COL11A1: variants seen among roughly 807,000 people sequenced by gnomAD.
The protein encoded by COL11A1 is collagen alpha-1(XI) chain.
A neutral mutation model predicts 265.2 loss-of-function variants in COL11A1; 74 were observed. The ratio of observed to expected loss-of-function variants is 0.28; its 90% CI spans 0.23 to 0.34. The LOEUF (loss-of-function observed/expected upper bound fraction) is 0.34, where lower values mean the gene tolerates loss of function less well. Among genes scored for constraint, COL11A1 ranks in the 10% least tolerant of loss-of-function variants. COL11A1 has a pLI of 1.00. For missense variants in COL11A1, 2,165 were observed against 2,263.6 expected (o/e 0.96, Z 0.88); for synonymous variants, 816 against 727.6 (o/e 1.12, Z -1.96).
At chr1:103,094,857 G>A (rs1673618494) in intron 1 of COL11A1, among the ~76,000 whole-genome samples, 1 of 152,002 alleles carries the variant, frequency 6.6e-6, no homozygotes, top group African/African-American at 2.4e-5. Context: ...GTTATACATG[G>A]ATTTTCAATG....
At chr1:102,885,147 T>C (rs1236215714) in intron 63 of COL11A1, among the ~76,000 whole-genome samples, 2 of 152,324 alleles carry the variant, frequency 1.3e-5, no homozygotes, top group African/African-American at 2.4e-5. Context: ...CCCTGCCTTA[T>C]CGAACCTAAG....
chr1:103,021,667 AT>A, intron 9 of COL11A1, 39 bp downstream of exon 9: 1 of 1,395,580 alleles, frequency 7.2e-7, no homozygotes, highest in Non-Finnish European at 1.0e-6. Flanking sequence ...CTCATAAGCA[AT>A]TTTACCAACC....
intron 3 of COL11A1, among the ~76,000 whole-genome samples, chr1:103,077,855 G>A (rs372409918): frequency 5.9e-5 from 9 of 152,006 alleles, no homozygotes; most frequent in African/African-American, 1.4e-4. Context: ...CCAACTATAC[G>A]AACTTAGGCA....
Position 102,914,355 on chromosome 1 carries a change from AG to A in COL11A1, c.3974del (p.Pro1325LeufsTer133). 1 of 1,605,978 alleles carries A rather than the reference AG, an allele frequency of 6.2e-7. No homozygotes were observed. Among genetic ancestry groups the A allele is most frequent in the Non-Finnish European group, 8.5e-7 (1 of 1,173,950 alleles). On this transcript the variant is annotated frameshift_variant, in exon 52 of 67. Coordinates refer to ENST00000370096, the MANE Select transcript of COL11A1 (RefSeq NM_001854.4). LOFTEE classifies it high-confidence loss of function. Reference sequence around the variant, plus strand: ...TTGATTTTTCCCTGATACTTACTGCAGGGCCAGGTTCCCCAGGAGGACCAGG... The same window carrying A: ...TTGATTTTTCCCTGATACTTACTGCAGGCCAGGTTCCCCAGGAGGACCAGG... ...GDPGPPGEPG[P>X]AGQDGVGGDK... is the part of the protein sequence containing the mutation.
At chr1:102,940,822 T>G (rs1485881116) in intron 42 of COL11A1, among the ~76,000 whole-genome samples, 1 of 152,174 alleles carries the variant, frequency 6.6e-6, no homozygotes, top group Non-Finnish European at 1.5e-5. Flanking sequence ...CAGTTGCTCA[T>G]ATGTCCAACT....
chr1:103,024,005 C>G (rs12729602), intron 7 of COL11A1, among the ~76,000 whole-genome samples: 1 of 152,094 alleles, frequency 6.6e-6, no homozygotes, highest in African/African-American at 2.4e-5. Flanking sequence ...GAGACATAGA[C>G]AAAAACTGAT....
At position 102,934,472 on chromosome 1, in the gene COL11A1, G is replaced by A. The variant is rs762091325; in HGVS notation, c.3577C>T (p.Pro1193Ser). 2 of 1,613,652 alleles carry A rather than the reference G, an allele frequency of 1.2e-6. No individual in the cohort carries two copies. Among genetic ancestry groups the A allele is most frequent in the Non-Finnish European group, 1.7e-6 (2 of 1,179,666 alleles). ...GDEGARGFPG[P>S]PGPIGLQGLP... ...ACCTGAAGACCTATTGGACCAGGAG[G>A]TCCAGGGAAGCCTCTGGCACCCTCA... Residue 1193 changes from proline (P) to serine (S), a missense_variant, in exon 46 of 67, where the codon CCT (proline) becomes TCT (serine). By Grantham distance (74) the Pro-to-Ser change is moderately conservative. Coordinates refer to ENST00000370096, the MANE Select transcript of COL11A1 (RefSeq NM_001854.4).
At chr1:102,932,737 C>G (rs1449388647) in intron 46 of COL11A1, among the ~76,000 whole-genome samples, 2 of 150,986 alleles carry the variant, frequency 1.3e-5, no homozygotes, top group Admixed American at 6.6e-5. Flanking sequence ...ACCAATCAGA[C>G]GTAGATTTGG....
chr1:103,095,058 C>T (rs1313977382), intron 1 of COL11A1, among the ~76,000 whole-genome samples: 1 of 152,032 alleles, frequency 6.6e-6, no homozygotes, highest in Non-Finnish European at 1.5e-5. Context: ...TTTCTCAGAA[C>T]ACCTGAATTA....
At chr1:102,907,236 A>G (rs993299750) in intron 54 of COL11A1, among the ~76,000 whole-genome samples, 1 of 152,158 alleles carries the variant, frequency 6.6e-6, no homozygotes, top group African/African-American at 2.4e-5. Context: ...ACTAGAATGG[A>G]TTAAAATAGC....
chr1:102,979,777 TA>T (rs1432322101), intron 31 of COL11A1, among the ~76,000 whole-genome samples: 7 of 152,174 alleles, frequency 4.6e-5, no homozygotes, highest in African/African-American at 1.4e-4. Flanking sequence ...GCTTCAACTC[TA>T]AAGAAAAATC....
At chr1:102,930,496 G>T (rs1449712642) in intron 46 of COL11A1, among the ~76,000 whole-genome samples, 3 of 152,000 alleles carry the variant, frequency 2.0e-5, no homozygotes, top group African/African-American at 2.4e-5. Flanking sequence ...CATTTTGCCA[G>T]TATTTTATTG....
chr1:103,034,595 G>A (rs2102013419), intron 4 of COL11A1, among the ~76,000 whole-genome samples: 1 of 151,884 alleles, frequency 6.6e-6, no homozygotes, highest in Non-Finnish European at 1.5e-5. Flanking sequence ...TGTCATACTT[G>A]CTGTTAGTTA....
At chr1:102,909,473 G>A (rs1654389793) in intron 54 of COL11A1, among the ~76,000 whole-genome samples, 1 of 152,030 alleles carries the variant, frequency 6.6e-6, no homozygotes, top group Non-Finnish European at 1.5e-5. Flanking sequence ...GATGCTTCAT[G>A]TTCTTAAAGC....
intron 41 of COL11A1, among the ~76,000 whole-genome samples, chr1:102,955,134 A>C (rs1189369373): frequency 6.6e-6 from 1 of 152,188 alleles, no homozygotes. Context: ...ACTTTATCTT[A>C]AAATGTATAG....
intron 1 of COL11A1, among the ~76,000 whole-genome samples, chr1:103,088,688 A>G (rs1171133322): frequency 1.3e-5 from 2 of 152,192 alleles, no homozygotes; most frequent in Admixed American, 1.3e-4. Flanking sequence ...TAAAATATCT[A>G]CTACCTAGCC....
intron 31 of COL11A1, among the ~76,000 whole-genome samples, chr1:102,983,779 C>A (rs10047106): frequency 0.94 from 143,292 of 152,168 alleles, 67,611 homozygotes; most frequent in East Asian, 1. Flanking sequence ...ATTTTAAAAA[C>A]TCAAGTGGTA....
At chr1:102,920,427 A>G in intron 48 of COL11A1, 63 bp from the exon 49 acceptor site, 2 of 1,392,788 alleles carry the variant, frequency 1.4e-6, no homozygotes, top group South Asian at 1.2e-5. Flanking sequence ...ATTCGTAAAC[A>G]TATGTCTAGT....
chr1:103,070,239 T>C (rs1265191586), intron 4 of COL11A1, among the ~76,000 whole-genome samples: 1 of 148,686 alleles, frequency 6.7e-6, no homozygotes, highest in African/African-American at 2.5e-5. Context: ...ATAATAATAA[T>C]ATTAAATACA....
Sources: allele counts gnomAD v4.1 joint callset (sites outside exome capture counted in the v4.1 genomes callset), GRCh38; gene constraint gnomAD v4.1.1; transcripts MANE v1.5; gene names NCBI Gene and HGNC (gene_info 2026-07-23, HGNC 2026-07-21).